Variants in SOX13 observed in about 807,000 individuals in gnomAD.
The protein encoded by SOX13 is transcription factor SOX-13.
SOX13 carries 28 observed loss-of-function variants against 71.8 expected under a neutral mutation model. The ratio of observed to expected loss-of-function variants is 0.39; its 90% CI spans 0.29 to 0.53. SOX13 has a LOEUF of 0.53. Ranked by LOEUF, SOX13 falls within the 20% of genes least tolerant of loss-of-function variation. SOX13 has a pLI of 0.70. For synonymous variants in SOX13, 309 were observed against 317.8 expected (o/e 0.97, Z 0.29); for missense variants, 627 against 810.3 (o/e 0.77, Z 2.75).
chr1:204,125,382 T>C (rs1486418201), intron 13 of SOX13, among the ~76,000 whole-genome samples: 3 of 151,976 alleles, frequency 2.0e-5, no homozygotes, highest in Non-Finnish European at 4.4e-5. Flanking sequence ...CTGGGCAACA[T>C]AGTGAAACCT....
intron 4 of SOX13, chr1:204,116,019 C>T (rs1478068666): frequency 9.9e-6 from 4 of 403,682 alleles, no homozygotes; most frequent in East Asian, 1.5e-4. Flanking sequence ...TATTATTATG[C>T]CCACTTACCA....
chr1:204,088,978 T>A (rs1421195272), intron 1 of SOX13, among the ~76,000 whole-genome samples: 4 of 152,106 alleles, frequency 2.6e-5, no homozygotes, highest in African/African-American at 9.7e-5. Flanking sequence ...GGAATCAATT[T>A]CCCTCTCAGC....
intron 4 of SOX13, 50 bp from the exon 5 acceptor site, chr1:204,116,457 T>G (rs1243177334): frequency 2.5e-6 from 4 of 1,613,138 alleles, no homozygotes; most frequent in Admixed American, 3.3e-5. Context: ...GATGGATGTA[T>G]AGATGAACAA....
At chr1:204,083,075 T>C (rs937626852) in intron 1 of SOX13, among the ~76,000 whole-genome samples, 5 of 152,198 alleles carry the variant, frequency 3.3e-5, no homozygotes, top group Middle Eastern at 3.2e-3. Flanking sequence ...CACCCTCCAT[T>C]TGGGGCTCAT....
At chr1:204,097,705 A>AG (rs1656280469) in intron 1 of SOX13, among the ~76,000 whole-genome samples, 1 of 151,574 alleles carries the variant, frequency 6.6e-6, no homozygotes, top group South Asian at 2.1e-4. Context: ...AAAAAAAAAA[A>AG]AAAGAAAAGA....
intron 1 of SOX13, among the ~76,000 whole-genome samples, chr1:204,106,738 C>G (rs1175888761): frequency 6.6e-6 from 1 of 152,162 alleles, no homozygotes; most frequent in Non-Finnish European, 1.5e-5. Flanking sequence ...CTCCTGACCT[C>G]AGGCGATCTG....
At chr1:204,110,735 T>A (rs1408694620) in intron 1 of SOX13, among the ~76,000 whole-genome samples, 2 of 152,088 alleles carry the variant, frequency 1.3e-5, no homozygotes, top group Non-Finnish European at 2.9e-5. Context: ...ATAACAAACA[T>A]TTTACAGAGT....
chr1:204,113,237 C>A, intron 2 of SOX13, 103 bp downstream of exon 2: 2 of 967,068 alleles, frequency 2.1e-6, no homozygotes, highest in Non-Finnish European at 3.0e-6. Flanking sequence ...CAGATACAGG[C>A]AGAAGTGGTG....
At chr1:204,115,367 C>T (rs572727179) in intron 4 of SOX13, among the ~76,000 whole-genome samples, 4 of 151,660 alleles carry the variant, frequency 2.6e-5, no homozygotes, top group South Asian at 2.1e-4. Context: ...ACTTTAAAAC[C>T]GTACAGATGC....
intron 1 of SOX13, among the ~76,000 whole-genome samples, chr1:204,096,670 C>T (rs1258691472): frequency 6.6e-6 from 1 of 152,068 alleles, no homozygotes; most frequent in African/African-American, 2.4e-5. Flanking sequence ...CCACCTCAGA[C>T]TCCCAAAGTG....
chr1:204,078,616 A>G (rs144626894), intron 1 of SOX13, among the ~76,000 whole-genome samples: 84 of 152,186 alleles, frequency 5.5e-4, no homozygotes, highest in African/African-American at 2.0e-3. Flanking sequence ...TGGAACCCGG[A>G]TGTGTCAGCC....
At chr1:204,122,625 G>T (rs184389365) in intron 9 of SOX13, 4 of 600,082 alleles carry the variant, frequency 6.7e-6, no homozygotes, top group African/African-American at 5.6e-5. Flanking sequence ...GTTCCAGGGG[G>T]TACTGTTGTC....
At chr1:204,116,132 C>G in intron 4 of SOX13, 1 of 1,210,188 alleles carries the variant, frequency 8.3e-7, no homozygotes, top group African/African-American at 1.6e-5. Flanking sequence ...TGTCTTGCTT[C>G]AAAGCCTGAG....
chr1:204,124,772 G>A lies in SOX13; in HGVS notation c.1507G>A (p.Val503Met), dbSNP rs950725942. 11 of 1,605,316 alleles carry A rather than the reference G, an allele frequency of 6.9e-6. No individual in the cohort carries two copies. The highest frequency in any genetic ancestry group is 4.0e-5 in the African/African-American group (3 of 74,780). ...GCCGCGGCCCAAGCGCACCTGCATC[G>A]TGGAGGGCAAGCGGCTGCGCGTGGG... ...YKPRPKRTCI[V>M]EGKRLRVGEY... The change falls in exon 13 of 14, where the codon GTG becomes ATG. Residue 503 changes from valine to methionine, a missense_variant. This residue lies in a region of SOX13 where 148 missense variants were observed against 192.7 expected (regional missense o/e 0.77). Coordinates refer to ENST00000367204, the MANE Select transcript of SOX13 (RefSeq NM_005686.3).
At chr1:204,109,743 C>T (rs763563959) in intron 1 of SOX13, among the ~76,000 whole-genome samples, 2 of 152,144 alleles carry the variant, frequency 1.3e-5, no homozygotes, top group Non-Finnish European at 2.9e-5. Flanking sequence ...TGTTCAAGTC[C>T]CTGATATAGA....
At chr1:204,086,212 A>G (rs750858874) in intron 1 of SOX13, among the ~76,000 whole-genome samples, 3 of 152,210 alleles carry the variant, frequency 2.0e-5, no homozygotes, top group Non-Finnish European at 4.4e-5. Context: ...AGCTTTGGCC[A>G]TCACTGTGTC....
chr1:204,107,456 C>T (rs116044032), intron 1 of SOX13, among the ~76,000 whole-genome samples: 130 of 152,254 alleles, frequency 8.5e-4, no homozygotes, highest in African/African-American at 3.1e-3. Flanking sequence ...TTCCATCTCA[C>T]TGCCTTTCCT....
chr1:204,076,876 CAG>C (rs1460051040), intron 1 of SOX13, among the ~76,000 whole-genome samples: 4 of 152,346 alleles, frequency 2.6e-5, no homozygotes, highest in East Asian at 1.9e-4. Context: ...AGTGGGATAA[CAG>C]GGGAGAACAA....
At position 204,125,873 on chromosome 1, in the gene SOX13, G is replaced by A. The variant is rs760985334; in HGVS notation, c.1608G>A (p.Gln536=). Residue 536 remains glutamine (Q), a synonymous_variant, in exon 14 of 14, where the codon CAG becomes CAA. Coordinates refer to ENST00000367204, the MANE Select transcript of SOX13 (RefSeq NM_005686.3). ...QSYVIPPQAG[Q]VQMSSSDVLY... is the part of the protein sequence containing the mutation. The stretch of plus-strand genomic sequence containing the variant: ...TGCCCCACAGCCCGCAGGCTGGCCA[G>A]GTGCAGATGAGCTCCTCAGATGTCC... 4 of 1,611,212 alleles carry A rather than the reference G, an allele frequency of 2.5e-6. No homozygotes were observed. Among genetic ancestry groups the A allele is most frequent in the Non-Finnish European group, 3.4e-6 (4 of 1,179,204 alleles).
Sources: gnomAD v4.1 joint callset for allele counts (sites outside exome capture counted in the v4.1 genomes callset) on GRCh38, gnomAD v4.1.1 for gene constraint, gnomAD v4.1.1 regional missense constraint, MANE v1.5 for transcripts, NCBI Gene and HGNC (gene_info 2026-07-23, HGNC 2026-07-21) for gene names.